NAV3: variants seen among roughly 807,000 people sequenced by gnomAD.
NAV3 encodes the protein neuron navigator 3.
A neutral mutation model predicts 244.7 loss-of-function variants in NAV3; 87 were observed. That is an observed-to-expected ratio of 0.36 (90% CI 0.30 to 0.42). NAV3 has a LOEUF of 0.42. Ranked by LOEUF, NAV3 falls within the 20% of genes least tolerant of loss-of-function variation. The pLI is 1.00. For missense variants in NAV3, 2,663 were observed against 2,893.3 expected, an observed-to-expected ratio of 0.92 and a Z score of 1.83; for synonymous variants, 1,126 against 1,042.2, an observed-to-expected ratio of 1.08 and a Z score of -1.55.
chr12:77,892,619 G>T (rs1884077015), intron 1 of NAV3, among the ~76,000 whole-genome samples: 1 of 152,106 alleles, frequency 6.6e-6, no homozygotes, highest in Non-Finnish European at 1.5e-5. Context: ...GTTTCACGGT[G>T]TTAGCCGGGA....
At chr12:77,645,255 A>G (rs1164692992) in intron 2 of NAV3, among the ~76,000 whole-genome samples, 2 of 144,012 alleles carry the variant, frequency 1.4e-5, no homozygotes, top group Non-Finnish European at 3.0e-5. Context: ...AAAATGAATA[A>G]TTTAAATCTT....
chr12:78,202,416 A>G lies in NAV3; in HGVS notation c.6834+1825A>G, dbSNP rs188172363. ...AAAGGAATCTTTGTAAAAACCTTGA[A>G]ATGATAATAGTTAAAATGCTTAGCA... On this transcript the variant is annotated intron_variant, in intron 38 of 39. Coordinates refer to ENST00000397909, the MANE Select transcript of NAV3 (RefSeq NM_001024383.2). 2.9e-3 allele frequency among the ~76,000 whole-genome samples: 446 copies of G among 152,154 alleles called. 2 individuals are homozygous for G. The highest frequency in any genetic ancestry group is 0.011 in the African/African-American group (437 of 41,548).
At chr12:78,198,728 G>C (rs773685639) in intron 36 of NAV3, 52 bp downstream of exon 36, 3 of 1,023,638 alleles carry the variant, frequency 2.9e-6, no homozygotes, top group Non-Finnish European at 4.4e-6. Flanking sequence ...TTGTGTTGGG[G>C]GGGGCAGGGG....
intron 12 of NAV3, among the ~76,000 whole-genome samples, chr12:78,085,838 G>A (rs1172461942): frequency 6.6e-6 from 1 of 152,078 alleles, no homozygotes; most frequent in Non-Finnish European, 1.5e-5. Flanking sequence ...TAGCTGGTTA[G>A]CAAACTCAAA....
At chr12:77,736,354 A>G (rs1877333476) in intron 2 of NAV3, among the ~76,000 whole-genome samples, 1 of 152,220 alleles carries the variant, frequency 6.6e-6, no homozygotes, top group Admixed American at 6.5e-5. Flanking sequence ...AGAATTTTCA[A>G]AACAGTATCA....
chr12:77,836,016 T>G (rs573094968), intron 1 of NAV3, among the ~76,000 whole-genome samples: 1 of 152,350 alleles, frequency 6.6e-6, no homozygotes, highest in South Asian at 2.1e-4. Flanking sequence ...TTTCAAGGGC[T>G]TATGTTTTCC....
intron 2 of NAV3, among the ~76,000 whole-genome samples, chr12:77,698,313 C>T (rs1875406733): frequency 6.6e-6 from 1 of 152,082 alleles, no homozygotes; most frequent in Non-Finnish European, 1.5e-5. Context: ...GCTGGCTTGC[C>T]TGCGAATCAT....
chr12:78,192,333 G>A (rs963111811), intron 34 of NAV3, among the ~76,000 whole-genome samples: 1 of 152,010 alleles, frequency 6.6e-6, no homozygotes, highest in African/African-American at 2.4e-5. Context: ...CATTGGCAGA[G>A]CTAATGATGC....
intron 2 of NAV3, among the ~76,000 whole-genome samples, chr12:77,624,700 C>T (rs1871539638): frequency 6.6e-6 from 1 of 152,096 alleles, no homozygotes; most frequent in African/African-American, 2.4e-5. Flanking sequence ...ACATTTTCTT[C>T]AATTTATGGG....
intron 39 of NAV3, among the ~76,000 whole-genome samples, chr12:78,206,599 C>T (rs1162917267): frequency 1.3e-5 from 2 of 152,006 alleles, no homozygotes; most frequent in Admixed American, 6.6e-5. Flanking sequence ...CCATAAAGCA[C>T]TTTTTTTCCT....
intron 5 of NAV3, among the ~76,000 whole-genome samples, chr12:77,972,692 T>C (rs11107619): frequency 0.32 from 48,324 of 151,972 alleles, 7,922 homozygotes; most frequent in African/African-American, 0.38. Flanking sequence ...GTTGGTATCA[T>C]AGTTATTTTC....
intron 5 of NAV3, among the ~76,000 whole-genome samples, chr12:77,981,991 T>C (rs1235569340): frequency 2.0e-5 from 3 of 152,198 alleles, no homozygotes; most frequent in Non-Finnish European, 4.4e-5. Flanking sequence ...AGGATGATTC[T>C]AAAATGATTT....
chr12:77,855,761 G>T (rs1235217467), intron 1 of NAV3, among the ~76,000 whole-genome samples: 1 of 152,180 alleles, frequency 6.6e-6, no homozygotes, highest in African/African-American at 2.4e-5. Flanking sequence ...GGCCCTAGCC[G>T]ACAGCTAGCT....
intron 2 of NAV3, among the ~76,000 whole-genome samples, chr12:77,771,299 C>G (rs1870071267): frequency 6.6e-6 from 1 of 152,194 alleles, no homozygotes; most frequent in Non-Finnish European, 1.5e-5. Context: ...AACAGGAACA[C>G]TTTTACACTG....
chr12:77,648,523 A>G (rs1460364628), intron 2 of NAV3, among the ~76,000 whole-genome samples: 1 of 152,124 alleles, frequency 6.6e-6, no homozygotes, highest in Non-Finnish European at 1.5e-5. Context: ...ACCAGGGCCA[A>G]ACTGATTATT....
intron 12 of NAV3, among the ~76,000 whole-genome samples, chr12:78,108,683 A>ATTT (rs1217364954): frequency 6.6e-6 from 1 of 152,158 alleles, no homozygotes. Flanking sequence ...ATACATGCAG[A>ATTT]TTAAACAACA....
In NAV3 at chr12:78,210,946, C is replaced by T. The variant is rs1307288988; in HGVS notation, c.*429C>T. ...CCATCTTTCTGATCTGTCCAACCTC[C>T]TTTGTGCCACACGGTGCTGGTCACA... On this transcript the variant is annotated 3_prime_UTR_variant, in exon 40 of 40. Coordinates refer to ENST00000397909, the MANE Select transcript of NAV3 (RefSeq NM_001024383.2). 5.7e-6 allele frequency: 1 copy of T among 175,136 alleles called. No individual in the cohort carries two copies. Among genetic ancestry groups the T allele is most frequent in the Non-Finnish European group, 1.2e-5 (1 of 82,718 alleles). 10.8% of individuals were successfully genotyped at this position (175,136 alleles called of 1,614,324 possible).
chr12:77,585,754 C>G (rs1020696254), intron 2 of NAV3, among the ~76,000 whole-genome samples: 6 of 152,186 alleles, frequency 3.9e-5, no homozygotes, highest in Non-Finnish European at 8.8e-5. Flanking sequence ...CAGTTCCTAA[C>G]AGGCCACAAG....
chr12:77,983,833 A>G (rs1869997148), intron 5 of NAV3, among the ~76,000 whole-genome samples: 1 of 152,206 alleles, frequency 6.6e-6, no homozygotes, highest in African/African-American at 2.4e-5. Flanking sequence ...TCTATTGAGA[A>G]GTACTTCGTC....
Sources: allele counts gnomAD v4.1 joint callset (sites outside exome capture counted in the v4.1 genomes callset), GRCh38; gene constraint gnomAD v4.1.1; transcripts MANE v1.5; gene names NCBI Gene and HGNC (gene_info 2026-07-23, HGNC 2026-07-21).